Variants in ASPG observed in about 807,000 individuals in gnomAD.
ASPG encodes asparaginase, also known as 60 kDa lysophospholipase.
In ASPG, 53 loss-of-function variants were observed where a neutral mutation model predicts 63.2. That is an observed-to-expected ratio of 0.84 (90% confidence interval 0.67 to 1.05). The LOEUF (loss-of-function observed/expected upper bound fraction) is 1.05, where lower values mean the gene tolerates loss of function less well. Ranked by LOEUF, ASPG falls within the 50% of genes least tolerant of loss-of-function variation. The pLI, the probability that ASPG is intolerant of heterozygous loss-of-function variation, is 0.00. For synonymous variants in ASPG, 370 were observed against 355.0 expected (o/e 1.04, Z -0.48); for missense variants, 741 against 794.4 (o/e 0.93, Z 0.81).
chr14:104,099,149 G>A (rs1409171148), intron 6 of ASPG, among the ~76,000 whole-genome samples, 170 bp downstream of exon 6: 2 of 152,212 alleles, frequency 1.3e-5, no homozygotes, highest in African/African-American at 4.8e-5. Flanking sequence ...AGGGCTGCGT[G>A]GACAGGGCTG....
Position 104,093,592 on chromosome 14 carries a change from AG to A in ASPG, c.294del (p.Thr99ProfsTer70), listed in dbSNP as rs2036450796. ...ATCGCTGAGTGGGTTTGCCTTGCCC[AG>A]ACCATCAAGGTAGTGGGGCTGGGGA... is the stretch of plus-strand genomic sequence containing the variant. ...MTIAEWVCLA[Q>X]TIKRHYEQYH... On this transcript the variant is annotated frameshift_variant, in exon 3 of 16. Transcript: ENST00000551177. LOFTEE classifies it high-confidence loss of function. 1.2e-6 allele frequency: 2 copies of A among 1,601,060 alleles called. No homozygotes were observed. The highest frequency in any genetic ancestry group is 4.5e-5 in the East Asian group (2 of 44,624).
Position 104,105,434 on chromosome 14 carries a change from G to A in ASPG, c.1157G>A (p.Ser386Asn), listed in dbSNP as rs2037079275. Residue 386 changes from serine (S) to asparagine (N), a missense_variant, in exon 10 of 16, where the codon AGT (serine) becomes AAT (asparagine). Coordinates refer to ENST00000551177, the MANE Select transcript of ASPG (RefSeq NM_001080464.3). Reference sequence around the variant, plus strand: ...GGCGGTGGGGTCTCCTGGCTCCTCAGTCTGAGCGGCAGCCAGGTAATGGCG... The same window carrying A: ...GGCGGTGGGGTCTCCTGGCTCCTCAATCTGAGCGGCAGCCAGGTAATGGCG... ...TLGGGVSWLL[S>N]LSGSQEADAL... The A allele has an allele frequency of 6.2e-7, 1 of 1,602,926 alleles. No individual in the cohort carries two copies. Among genetic ancestry groups the A allele is most frequent in the Non-Finnish European group, 8.5e-7 (1 of 1,175,292 alleles).
chr14:104,095,396 A>G, intron 3 of ASPG, 135 bp from the exon 4 acceptor site: 2 of 1,247,044 alleles, frequency 1.6e-6, no homozygotes, highest in Non-Finnish European at 2.2e-6. Context: ...CCAGAGAGGG[A>G]CTTCCAGGCC....
In ASPG at chr14:104,110,990, G is replaced by C. The variant is rs879161252; in HGVS notation, c.1521-512G>C. The C allele has an allele frequency of 4.3e-5, 42 of 985,310 alleles. No individual in the cohort carries two copies. Among genetic ancestry groups the C allele is most frequent in the Non-Finnish European group, 4.8e-5 (40 of 829,940 alleles). The allele number at this position is 985,310 out of a possible 1,614,324, so 61.0% of individuals were successfully genotyped here. On this transcript the variant is annotated intron_variant, in intron 13 of 15. Coordinates refer to ENST00000551177, the MANE Select transcript of ASPG (RefSeq NM_001080464.3). This position sits in a 1 kb window ranked among gnomAD's most constrained non-coding sequence, Gnocchi z 4.7. ...CCAGGGCCAACCGTTATCCTGGGTT[G>C]CCTCCTGTGTCCCCCTCTCTGAACC...
chr14:104,111,754 C>A (rs1034515591), intron 14 of ASPG, 153 bp downstream of exon 14: 6 of 916,984 alleles, frequency 6.5e-6, no homozygotes, highest in African/African-American at 3.3e-5. Flanking sequence ...CAGACTGGGT[C>A]CCCTTCCCGG....
At chr14:104,100,016 G>T (rs1202997875) in intron 6 of ASPG, among the ~76,000 whole-genome samples, 1 of 152,192 alleles carries the variant, frequency 6.6e-6, no homozygotes, top group African/African-American at 2.4e-5. Context: ...CGGGCTGGTG[G>T]GTCAAGCCCA....
rs556535511 is a variant in ASPG at position 104,102,271 on chromosome 14, C to T, written c.641-1292C>T. ...GTGGAAGACTCACTGCTGGGGGCTC[C>T]GCTCCCCCCTCTCTCATCCCCAGCA... is the stretch of plus-strand genomic sequence containing the variant. On this transcript the variant is annotated intron_variant, in intron 6 of 15. Transcript: ENST00000551177. Among the ~76,000 whole-genome samples, 21 of 152,134 alleles carry T rather than the reference C, an allele frequency of 1.4e-4. 1 individual carries two copies. The East Asian group carries it at 2.7e-3, about 20-fold the overall frequency.
chr14:104,099,387 C>A (rs1278812596), intron 6 of ASPG, among the ~76,000 whole-genome samples: 2 of 148,512 alleles, frequency 1.3e-5, no homozygotes, highest in South Asian at 2.1e-4. Context: ...GGCGGGCAGC[C>A]CAGCCATCCT....
intron 1 of ASPG, among the ~76,000 whole-genome samples, chr14:104,088,482 A>G (rs2036279313): frequency 6.6e-6 from 1 of 152,134 alleles, no homozygotes; most frequent in South Asian, 2.1e-4. Flanking sequence ...GAGAAACTTG[A>G]AGACTTCCTA....
chr14:104,109,308 C>A lies in ASPG; in HGVS notation c.1513C>A (p.Leu505Met). Residue 505 changes from leucine to methionine, a missense_variant, in exon 13 of 16, where the codon CTG becomes ATG. Coordinates refer to ENST00000551177, the MANE Select transcript of ASPG (RefSeq NM_001080464.3). This position sits in a 1 kb window ranked among gnomAD's most constrained non-coding sequence, Gnocchi z 4.8. ...GGAGCTGGAGGAAGCAGGGACGGAG[C>A]TGTGCAGGTGAGTGCAGCTAGAGCA... ...TQELEEAGTELCRLAYRADLE... is the reference protein window; with the variant it reads ...TQELEEAGTEMCRLAYRADLE... The A allele has an allele frequency of 6.2e-7, 1 of 1,610,622 alleles. No homozygotes were observed. Among genetic ancestry groups the A allele is most frequent in the South Asian group, 1.1e-5 (1 of 90,190 alleles).
At chr14:104,094,245 G>A (rs2036496392) in intron 3 of ASPG, among the ~76,000 whole-genome samples, 1 of 152,046 alleles carries the variant, frequency 6.6e-6, no homozygotes, top group Non-Finnish European at 1.5e-5. Flanking sequence ...CTGGGGCGCG[G>A]TGTGTGGTGT....
intron 4 of ASPG, 83 bp from the exon 5 acceptor site, chr14:104,097,470 TG>T (rs1566829461): frequency 1.5e-6 from 2 of 1,370,662 alleles, no homozygotes; most frequent in Non-Finnish European, 2.0e-6. Context: ...GGGCTGGGCC[TG>T]GGGGTTTACC....
At chr14:104,106,113 G>A (rs1478403932) in intron 10 of ASPG, among the ~76,000 whole-genome samples, 1 of 152,276 alleles carries the variant, frequency 6.6e-6, no homozygotes, top group Non-Finnish European at 1.5e-5. Context: ...ACTTGCTGGG[G>A]CGGGTGATGG....
At chr14:104,103,183 G>C (rs916215860) in intron 6 of ASPG, among the ~76,000 whole-genome samples, 1 of 152,228 alleles carries the variant, frequency 6.6e-6, no homozygotes, top group Non-Finnish European at 1.5e-5. Flanking sequence ...CTCGCCTGAC[G>C]CCCCCATGCG....
At chr14:104,111,477 A>C in intron 13 of ASPG, 25 bp from the exon 14 acceptor site, 1 of 1,539,480 alleles carries the variant, frequency 6.5e-7, no homozygotes, top group Non-Finnish European at 8.8e-7. Flanking sequence ...GGCCCCAACA[A>C]CTCCTCCTCT....
intron 7 of ASPG, among the ~76,000 whole-genome samples, chr14:104,103,907 C>T (rs369197664): frequency 8.5e-5 from 13 of 152,372 alleles, no homozygotes; most frequent in South Asian, 4.1e-4. Flanking sequence ...ACAGCCAGAA[C>T]GGGGTCCTCC....
intron 5 of ASPG, among the ~76,000 whole-genome samples, chr14:104,098,642 C>T (rs572728585): frequency 1.0e-3 from 156 of 152,176 alleles, no homozygotes; most frequent in African/African-American, 3.6e-3. Flanking sequence ...CTGCAGGCTC[C>T]GGTTAGCCCA....
chr14:104,093,028 T>C, intron 2 of ASPG: 1 of 500,806 alleles, frequency 2.0e-6, no homozygotes, highest in Non-Finnish European at 3.6e-6. Context: ...CTAGGGATCC[T>C]GTATATCAGG....
At chr14:104,102,419 C>G (rs912348680) in intron 6 of ASPG, among the ~76,000 whole-genome samples, 1 of 152,244 alleles carries the variant, frequency 6.6e-6, no homozygotes, top group Non-Finnish European at 1.5e-5. Flanking sequence ...GGAGGAAGAG[C>G]CCTGTGCGGG....
Sources: gnomAD v4.1 joint callset for allele counts (sites outside exome capture counted in the v4.1 genomes callset) on GRCh38, gnomAD v4.1.1 for gene constraint, Gnocchi (gnomAD v3.1) non-coding constraint, MANE v1.5 for transcripts, NCBI Gene and HGNC (gene_info 2026-07-23, HGNC 2026-07-21) for gene names.